PPP2R5C: variants seen among roughly 807,000 people sequenced by gnomAD.
PPP2R5C encodes protein phosphatase 2 regulatory subunit B'gamma.
Under a neutral mutation model 68.9 loss-of-function variants are expected in PPP2R5C, and 7 were observed. That is an observed-to-expected ratio of 0.10 (90% CI 0.06 to 0.19). PPP2R5C has a LOEUF of 0.19. PPP2R5C is among the 10% of genes least tolerant of loss of function. The pLI, the probability that PPP2R5C is intolerant of heterozygous loss-of-function variation, is 1.00. For synonymous variants in PPP2R5C, 210 were observed against 222.2 expected (o/e 0.95, Z 0.49); for missense variants, 348 against 641.3 (o/e 0.54, Z 4.94).
At chr14:101,910,832 G>A (rs967101024) in intron 11 of PPP2R5C, among the ~76,000 whole-genome samples, 12 of 152,112 alleles carry the variant, frequency 7.9e-5, no homozygotes, top group African/African-American at 2.9e-4. Context: ...GCCGGGCATG[G>A]TGGCTCATGC....
At chr14:101,846,126 G>A (rs2041815401) in intron 1 of PPP2R5C, among the ~76,000 whole-genome samples, 1 of 152,188 alleles carries the variant, frequency 6.6e-6, no homozygotes, top group Admixed American at 6.5e-5. Flanking sequence ...CTGGAACCGG[G>A]AACACTTAGA....
At chr14:101,804,571 G>GCTGCA (rs1362897352) in intron 3 of PPP2R5C, among the ~76,000 whole-genome samples, 1 of 152,124 alleles carries the variant, frequency 6.6e-6, no homozygotes, top group African/African-American at 2.4e-5. Context: ...GCAGCAACAT[G>GCTGCA]GATGGAACTG....
At chr14:101,880,420 C>G (rs1400160722) in intron 2 of PPP2R5C, among the ~76,000 whole-genome samples, 2 of 152,164 alleles carry the variant, frequency 1.3e-5, no homozygotes, top group Non-Finnish European at 2.9e-5. Flanking sequence ...TACTCAGATG[C>G]TTGATGCTCA....
chr14:101,854,711 T>TA (rs2042322719), intron 1 of PPP2R5C, among the ~76,000 whole-genome samples: 1 of 152,192 alleles, frequency 6.6e-6, no homozygotes, highest in Admixed American at 6.5e-5. Flanking sequence ...CCAGTGCTCC[T>TA]AAAAAACTCT....
chr14:101,808,370 C>T (rs2039162896), upstream of PPP2R5C, among the ~76,000 whole-genome samples: 1 of 152,198 alleles, frequency 6.6e-6, no homozygotes, highest in Non-Finnish European at 1.5e-5. Flanking sequence ...GTGCCCACTG[C>T]CCACTTGTGT....
chr14:101,878,275 G>A (rs1431262807), intron 2 of PPP2R5C, among the ~76,000 whole-genome samples: 1 of 152,208 alleles, frequency 6.6e-6, no homozygotes, highest in African/African-American at 2.4e-5. Flanking sequence ...TAACATGAAT[G>A]TGAGGAAGGG....
chr14:101,830,392 T>A (rs1209800620), intron 1 of PPP2R5C, among the ~76,000 whole-genome samples: 1 of 152,224 alleles, frequency 6.6e-6, no homozygotes, highest in Non-Finnish European at 1.5e-5. Flanking sequence ...TGTAAACAAA[T>A]GCTACATTGT....
intron 8 of PPP2R5C, among the ~76,000 whole-genome samples, chr14:101,898,226 G>C (rs74366769): frequency 6.6e-6 from 1 of 152,104 alleles, no homozygotes; most frequent in African/African-American, 2.4e-5. Flanking sequence ...TTGAAAGTAT[G>C]TATTTTTCTT....
At position 101,888,812 on chromosome 14, in the gene PPP2R5C, G is replaced by A. The variant is rs573515483; in HGVS notation, c.630-1425G>A. Among the ~76,000 whole-genome samples the A allele has an allele frequency of 6.6e-6, 1 of 152,092 alleles. No homozygotes were observed. Among genetic ancestry groups the A allele is most frequent in the East Asian group, 1.9e-4 (1 of 5,154 alleles). On this transcript the variant is annotated intron_variant, in intron 5 of 13. Transcript: ENST00000334743. This position sits in a 1 kb window ranked among gnomAD's most constrained non-coding sequence, Gnocchi z 5.6. ...TTGCCATGTTGGCCAGGCCCGTCTT[G>A]AACTCCTGACCTCAGGTGATCCACC...
chr14:101,803,830 A>T lies in PPP2R5C; in HGVS notation c.259+17647A>T, dbSNP rs754551970. Among the ~76,000 whole-genome samples, 26 of 152,188 alleles carry T rather than the reference A, an allele frequency of 1.7e-4. 1 individual carries two copies. The highest frequency in any genetic ancestry group is 6.5e-4 in the Admixed American group (10 of 15,272). On this transcript the variant is annotated intron_variant, in intron 3 of 14. Coordinates refer to the PPP2R5C transcript ENST00000328724. ...TGGTCTTGGCAAAAATTCCTTGAGC[A>T]ATACCCCACAAGCACAGGCAACTAA...
Position 101,781,026 on chromosome 14 carries a change from A to G in PPP2R5C, c.94-4992A>G, listed in dbSNP as rs1486320529. 5.3e-5 allele frequency among the ~76,000 whole-genome samples: 8 copies of G among 152,164 alleles called. No individual in the cohort carries two copies. Among genetic ancestry groups the G allele is most frequent in the East Asian group, 1.9e-4 (1 of 5,180 alleles). On this transcript the variant is annotated intron_variant, in intron 2 of 14. Transcript: ENST00000328724. This position sits in a 1 kb window ranked among gnomAD's most constrained non-coding sequence, Gnocchi z 6.4. ...AGGATGCGCCAGCTCGGCCTGAACC[A>G]TGGAATGCAGCGTGGGGCAGCCGCT...
In PPP2R5C at chr14:101,847,864, T is replaced by C. The variant is rs1205241631; in HGVS notation, c.95-8822T>C. Among the ~76,000 whole-genome samples, 4 of 152,114 alleles carry C rather than the reference T, an allele frequency of 2.6e-5. No homozygotes were observed. The East Asian group carries it at 7.7e-4, about 29-fold the overall frequency. ...TTTTAGTAGAGACGGGGTTTCACCATGTTGGCCAGGATGGTCTCAATCTCT... is the reference window on the plus strand; with the variant it reads ...TTTTAGTAGAGACGGGGTTTCACCACGTTGGCCAGGATGGTCTCAATCTCT... On this transcript the variant is annotated intron_variant, in intron 1 of 13. Coordinates refer to ENST00000334743, the Ensembl canonical transcript of PPP2R5C.
At chr14:101,862,157 C>G (rs1300800555) in intron 2 of PPP2R5C, among the ~76,000 whole-genome samples, 1 of 152,190 alleles carries the variant, frequency 6.6e-6, no homozygotes, top group African/African-American at 2.4e-5. Flanking sequence ...CTCAAGCAAT[C>G]CACACGCCTC....
chr14:101,780,165 T>C (rs750015382), intron 2 of PPP2R5C, among the ~76,000 whole-genome samples: 9 of 152,186 alleles, frequency 5.9e-5, no homozygotes, highest in Non-Finnish European at 1.2e-4. Flanking sequence ...CAGAACGTGA[T>C]TGCCTCACCT....
At chr14:101,833,952 C>T (rs910010176) in intron 1 of PPP2R5C, among the ~76,000 whole-genome samples, 11 of 152,162 alleles carry the variant, frequency 7.2e-5, no homozygotes, top group Admixed American at 2.6e-4. Context: ...CAGGCACCCG[C>T]CACCTGCCAC....
At chr14:101,773,549 A>G (rs768189804) in intron 2 of PPP2R5C, among the ~76,000 whole-genome samples, 2 of 152,158 alleles carry the variant, frequency 1.3e-5, no homozygotes, top group Non-Finnish European at 2.9e-5. Context: ...GTCCACTGCC[A>G]GGTGTTCAGT....
In PPP2R5C at chr14:101,864,474, G is replaced by A. The variant is rs116104743; in HGVS notation, c.294+7589G>A. On this transcript the variant is annotated intron_variant, in intron 2 of 13. Coordinates refer to ENST00000334743, the Ensembl canonical transcript of PPP2R5C. ...TATGGCATCCACCCTTACTGGTCTG[G>A]GAGACAAGAAGAGGCAGCAGACGTA... Among the ~76,000 whole-genome samples, 183 of 152,262 alleles carry A rather than the reference G, an allele frequency of 1.2e-3. 1 individual carries two copies. The highest frequency in any genetic ancestry group is 4.3e-3 in the African/African-American group (179 of 41,538).
At chr14:101,866,545 C>T (rs1212409212) in intron 2 of PPP2R5C, among the ~76,000 whole-genome samples, 2 of 152,124 alleles carry the variant, frequency 1.3e-5, no homozygotes, top group South Asian at 2.1e-4. Context: ...TGTTGCACAC[C>T]TGTAATCCCA....
chr14:101,916,540 A>G lies in PPP2R5C; in HGVS notation c.1327-1291A>G, dbSNP rs1359548424. Among the ~76,000 whole-genome samples the G allele has an allele frequency of 6.6e-6, 1 of 152,164 alleles. No homozygotes were observed. Among genetic ancestry groups the G allele is most frequent in the Non-Finnish European group, 1.5e-5 (1 of 68,026 alleles). On this transcript the variant is annotated intron_variant, in intron 12 of 13. Transcript: ENST00000334743. The surrounding 1 kb of genome is among the most constrained non-coding windows in gnomAD (Gnocchi z 5.5). ...GGGCTGAATGATGGCGTCCATGGTC[A>G]TCATTCCTCAGAGAGGCCCAGTGAG...
Sources: gnomAD v4.1 joint callset for allele counts (sites outside exome capture counted in the v4.1 genomes callset) on GRCh38, gnomAD v4.1.1 for gene constraint, Gnocchi (gnomAD v3.1) non-coding constraint, MANE v1.5 for transcripts, NCBI Gene and HGNC (gene_info 2026-07-23, HGNC 2026-07-21) for gene names.